The following SCG2 variants were observed in gnomAD, a reference collection of about 807,000 sequenced individuals.
SCG2 encodes the protein secretogranin-2.
SCG2 carries 23 observed loss-of-function variants against 49.5 expected under a neutral mutation model. That is an observed-to-expected ratio of 0.46 (90% CI 0.33 to 0.66). The LOEUF (loss-of-function observed/expected upper bound fraction) is 0.66. Ranked by LOEUF, SCG2 falls within the 30% of genes least tolerant of loss-of-function variation. The pLI is 0.01. For missense variants in SCG2, 730 were observed against 728.2 expected, an observed-to-expected ratio of 1.00 and a Z score of -0.03; for synonymous variants, 288 against 260.4, an observed-to-expected ratio of 1.11 and a Z score of -1.02.
rs775803489 is a variant in SCG2, at chr2:223,598,740, G to A, written c.543C>T (p.Arg181=). Residue 181 remains arginine (R), a synonymous_variant, in exon 2 of 2, where the codon CGC becomes CGT. Transcript: ENST00000305409. ...EENSRDNPFK[R]TNEIVEEQYT... is the part of the protein sequence containing the mutation. ...ATTGTTCCTCCACTATTTCATTTGT[G>A]CGTTTAAAGGGGTTATCCCTGGAAT... The A allele has an allele frequency of 6.2e-7, 1 of 1,613,698 alleles. No homozygotes were observed. The highest frequency in any genetic ancestry group is 1.3e-5 in the African/African-American group (1 of 75,016).
chr2:223,601,526 A>G (rs1314620329), intron 1 of SCG2, among the ~76,000 whole-genome samples: 1 of 152,214 alleles, frequency 6.6e-6, no homozygotes, highest in East Asian at 1.9e-4. Context: ...TCTTTAAATC[A>G]AATTATAGCA....
intron 1 of SCG2, among the ~76,000 whole-genome samples, chr2:223,600,874 AAAT>A (rs778862393): frequency 2.6e-5 from 4 of 152,170 alleles, no homozygotes; most frequent in Non-Finnish European, 4.4e-5. Context: ...TTTATTCATA[AAAT>A]AATGAGGTTC....
At position 223,598,646 on chromosome 2, in the gene SCG2, T is replaced by C; in HGVS notation, c.637A>G (p.Asn213Asp). 6.2e-7 allele frequency: 1 copy of C among 1,614,132 alleles called. No homozygotes were observed. Among genetic ancestry groups the C allele is most frequent in the African/African-American group, 1.3e-5 (1 of 75,052 alleles). Residue 213 changes from asparagine to aspartate, a missense_variant, in exon 2 of 2, where the codon AAC becomes GAC. Physicochemically the swap from Asn to Asp is conservative, Grantham distance 23. Transcript: ENST00000305409. ...TCATCCATCCTCTCACGTTTCTGGT[T>C]GTTTGGTCCTGTCAGTTTCCCCAGC... ...QELGKLTGPN[N>D]QKRERMDEEQ...
Position 223,598,003 on chromosome 2 carries a change from A to G in SCG2, c.1280T>C (p.Leu427Pro). 6.2e-7 allele frequency: 1 copy of G among 1,613,918 alleles called. No individual in the cohort carries two copies. The highest frequency in any genetic ancestry group is 8.5e-7 in the Non-Finnish European group (1 of 1,179,910). ...KTPGRAGTEA[L>P]PDGLSVEDIL... ...ATCCTCAACACTGAGCCCGTCTGGT[A>G]GGGCCTCAGTCCCAGCACGACCAGG... The change falls in exon 2 of 2, where the codon CTA becomes CCA. Residue 427 changes from leucine (L) to proline (P), a missense_variant. Leu to Pro is a moderately conservative substitution (Grantham distance 98). Transcript: ENST00000305409.
At position 223,597,876 on chromosome 2, in the gene SCG2, A is replaced by T. The variant is rs1277050771; in HGVS notation, c.1407T>A (p.Gly469=). The stretch of plus-strand genomic sequence containing the variant: ...GCTGGTTCGATCTAGATCTTCCAGC[A>T]CCATAAGGGAGCCTTGGCAGAACTT... The part of the protein sequence containing the change: ...QEKVLPRLPY[G]AGRSRSNQLP... Residue 469 remains glycine, a synonymous_variant, in exon 2 of 2, where the codon GGT becomes GGA. Transcript: ENST00000305409. 2.5e-6 allele frequency: 4 copies of T among 1,614,188 alleles called. No individual in the cohort carries two copies. In the East Asian group the frequency reaches 8.9e-5, roughly 36 times the overall value.
At position 223,598,938 on chromosome 2, in the gene SCG2, G is replaced by T. The variant is rs372704649; in HGVS notation, c.345C>A (p.Leu115=). ...CATTTTCAGCCTGTCTCAAAGCTTC[G>T]AGTATTATTCTCATCCAGTCTTCTT... is the stretch of plus-strand genomic sequence containing the variant. ...LSEEDWMRII[L]EALRQAENEP... is the part of the protein sequence containing the mutation. The change falls in exon 2 of 2, where the codon CTC becomes CTA. Residue 115 remains leucine (L), a synonymous_variant. Transcript: ENST00000305409. 2 of 1,614,064 alleles carry T rather than the reference G, an allele frequency of 1.2e-6. No individual in the cohort carries two copies. Among genetic ancestry groups the T allele is most frequent in the Non-Finnish European group, 1.7e-6 (2 of 1,180,008 alleles).
intron 1 of SCG2, among the ~76,000 whole-genome samples, chr2:223,600,112 G>A (rs1200167168): frequency 6.6e-6 from 1 of 152,148 alleles, no homozygotes; most frequent in Non-Finnish European, 1.5e-5. Context: ...TATTATGACT[G>A]TCTTGCAAAA....
chr2:223,598,455 T>C lies in SCG2; in HGVS notation c.828A>G (p.Glu276=). Residue 276 remains glutamate (E), a synonymous_variant, in exon 2 of 2, where the codon GAA becomes GAG. Transcript: ENST00000305409. ...AGCGTTTCATCTCATCGTTGATTTGTTCATTTTTTTCTATATTCTCTTTGC... is the reference window on the plus strand; with the variant it reads ...AGCGTTTCATCTCATCGTTGATTTGCTCATTTTTTTCTATATTCTCTTTGC... ...RDSKENIEKN[E]QINDEMKRSG... The C allele has an allele frequency of 1.2e-6, 2 of 1,614,130 alleles. No homozygotes were observed. The highest frequency in any genetic ancestry group is 1.7e-6 in the Non-Finnish European group (2 of 1,180,038).
Position 223,597,256 on chromosome 2 carries a change from A to G in SCG2, c.*173T>C, listed in dbSNP as rs1691310126. 2 of 704,998 alleles carry G rather than the reference A, an allele frequency of 2.8e-6. No homozygotes were observed. The highest frequency in any genetic ancestry group is 2.8e-5 in the South Asian group (1 of 35,772). 43.7% of individuals were successfully genotyped at this position (704,998 alleles called of 1,614,324 possible). ...TAACATTTACACATATCCATACACA[A>G]GATAACAGCTCAGAGGAAATGAAGC... On this transcript the variant is annotated 3_prime_UTR_variant, in exon 2 of 2. Coordinates refer to ENST00000305409, the MANE Select transcript of SCG2 (RefSeq NM_003469.5).
intron 1 of SCG2, among the ~76,000 whole-genome samples, chr2:223,600,561 A>G (rs138489392): frequency 1.3e-5 from 2 of 152,132 alleles, no homozygotes; most frequent in African/African-American, 4.8e-5. Flanking sequence ...AAGTTTGTTC[A>G]TATCTTTACC....
chr2:223,598,256 G>C lies in SCG2; in HGVS notation c.1027C>G (p.Leu343Val), dbSNP rs746622639. The change falls in exon 2 of 2, where the codon CTT becomes GTT. Residue 343 changes from leucine to valine, a missense_variant. Leu to Val is a conservative substitution (Grantham distance 32). Coordinates refer to ENST00000305409, the MANE Select transcript of SCG2 (RefSeq NM_003469.5). ...AGCTGATAAATAGACTGAGAATCAA[G>C]AGGTTTCTCAAAAAGCCTGGTGGCC... is the stretch of plus-strand genomic sequence containing the variant. ...ERATRLFEKP[L>V]DSQSIYQLIE... 2 of 1,614,170 alleles carry C rather than the reference G, an allele frequency of 1.2e-6. No homozygotes were observed. Among genetic ancestry groups the C allele is most frequent in the Non-Finnish European group, 8.5e-7 (1 of 1,180,030 alleles).
In SCG2 at chr2:223,598,101, G is replaced by A. The variant is rs1194179398; in HGVS notation, c.1182C>T (p.Ile394=). 2 of 1,606,948 alleles carry A rather than the reference G, an allele frequency of 1.2e-6. No homozygotes were observed. The highest frequency in any genetic ancestry group is 1.7e-6 in the Non-Finnish European group (2 of 1,176,340). ...ELDLPVDLDD[I]SEADLDHPDL... ...CTGGATGGTCTAAGTCAGCCTCTGA[G>A]ATGTCATCTAGGTCAACAGGAAGGT... The change falls in exon 2 of 2, where the codon ATC becomes ATT. Residue 394 remains isoleucine (I), a synonymous_variant. Coordinates refer to ENST00000305409, the MANE Select transcript of SCG2 (RefSeq NM_003469.5).
At chr2:223,599,981 A>G (rs998958791) in intron 1 of SCG2, among the ~76,000 whole-genome samples, 2 of 152,200 alleles carry the variant, frequency 1.3e-5, no homozygotes, top group Non-Finnish European at 2.9e-5. Flanking sequence ...AACCTCCAGA[A>G]CACGGGTCTT....
intron 1 of SCG2, among the ~76,000 whole-genome samples, chr2:223,600,578 T>C (rs1574634324): frequency 6.6e-6 from 1 of 152,136 alleles, no homozygotes; most frequent in Admixed American, 6.5e-5. Context: ...TACCAGATCA[T>C]GGTTTTGTGA....
rs1574634374 is a variant in SCG2, at chr2:223,600,710, G to T, written c.-14-1414C>A. Among the ~76,000 whole-genome samples the T allele has an allele frequency of 4.6e-5, 7 of 152,128 alleles. 1 individual carries two copies. Among genetic ancestry groups the T allele is most frequent in the Admixed American group, 4.6e-4 (7 of 15,276 alleles). On this transcript the variant is annotated intron_variant, in intron 1 of 1. Transcript: ENST00000305409. ...TCCAGTTTTTTAGAGCCCAATAATG[G>T]CTTAGTTATGAAAACATTTTAGCAT...
At chr2:223,600,108 G>A (rs961499317) in intron 1 of SCG2, among the ~76,000 whole-genome samples, 1 of 152,124 alleles carries the variant, frequency 6.6e-6, no homozygotes, top group Non-Finnish European at 1.5e-5. Flanking sequence ...TTTATATTAT[G>A]ACTGTCTTGC....
intron 1 of SCG2, among the ~76,000 whole-genome samples, chr2:223,600,557 G>T (rs1240021727): frequency 1.3e-5 from 2 of 152,040 alleles, no homozygotes; most frequent in East Asian, 3.8e-4. Flanking sequence ...TTACAAGTTT[G>T]TTCATATCTT....
chr2:223,598,661 G>C lies in SCG2; in HGVS notation c.622C>G (p.Leu208Val). The change falls in exon 2 of 2, where the codon CTG (leucine) becomes GTG (valine). Residue 208 changes from leucine to valine, a missense_variant. By Grantham distance (32) the Leu-to-Val change is conservative (BLOSUM62 1). Coordinates refer to ENST00000305409, the MANE Select transcript of SCG2 (RefSeq NM_003469.5). ...CGTTTCTGGTTGTTTGGTCCTGTCA[G>C]TTTCCCCAGCTCTTGGAAGACAGAT... ...LESVFQELGK[L>V]TGPNNQKRER... The C allele has an allele frequency of 6.2e-7, 1 of 1,613,980 alleles. No homozygotes were observed. Among genetic ancestry groups the C allele is most frequent in the Non-Finnish European group, 8.5e-7 (1 of 1,180,020 alleles).
chr2:223,599,040 G>A lies in SCG2; in HGVS notation c.243C>T (p.Tyr81=), dbSNP rs899987950. ...KEESSPDYNP[Y]QGVSVPLQQK... The stretch of plus-strand genomic sequence containing the variant: ...GCTGAAGGGGGACAGAGACACCTTG[G>A]TAGGGATTATAATCTGGGCTGCTTT... The change falls in exon 2 of 2, where the codon TAC becomes TAT. Residue 81 remains tyrosine (Y), a synonymous_variant. Transcript: ENST00000305409. The A allele has an allele frequency of 1.2e-6, 2 of 1,614,022 alleles. No homozygotes were observed. Among genetic ancestry groups the A allele is most frequent in the African/African-American group, 2.7e-5 (2 of 74,910 alleles).
Sources: gnomAD v4.1 joint callset for allele counts (sites outside exome capture counted in the v4.1 genomes callset) on GRCh38, gnomAD v4.1.1 for gene constraint, MANE v1.5 for transcripts, NCBI Gene and HGNC (gene_info 2026-07-23, HGNC 2026-07-21) for gene names.